Variants in CCDC85A observed in about 807,000 individuals in gnomAD.
CCDC85A encodes the protein coiled-coil domain containing 85A.
A neutral mutation model predicts 50.2 loss-of-function variants in CCDC85A; 38 were observed. The observed-to-expected ratio is 0.76, with a 90% confidence interval of 0.58 to 0.99. The LOEUF (loss-of-function observed/expected upper bound fraction) is 0.99, where lower values mean the gene tolerates loss of function less well. CCDC85A is among the 50% of genes least tolerant of loss of function. The probability of loss-of-function intolerance (pLI) is 0.00; values close to 1 mark genes in which losing one functional copy is unlikely to be tolerated. For missense variants in CCDC85A, 820 were observed against 742.0 expected (o/e 1.11, Z -1.22); for synonymous variants, 366 against 301.4 (o/e 1.21, Z -2.22).
chr2:56,362,274 A>G (rs13411959), intron 3 of CCDC85A, among the ~76,000 whole-genome samples: 20,406 of 152,086 alleles, frequency 0.13, 1,438 homozygotes, highest in African/African-American at 0.18. Flanking sequence ...GGAACAGGTT[A>G]GGAGGTGCAG....
chr2:56,372,821 T>C (rs1386727223), intron 4 of CCDC85A, among the ~76,000 whole-genome samples: 3 of 152,300 alleles, frequency 2.0e-5, no homozygotes, highest in South Asian at 2.1e-4. Flanking sequence ...CCCTTTAAAA[T>C]TGTCTACTGA....
chr2:56,184,665 C>G lies in CCDC85A; in HGVS notation c.41C>G (p.Ala14Gly). 1 of 1,457,702 alleles carries G rather than the reference C, an allele frequency of 6.9e-7. No individual in the cohort carries two copies. The highest frequency in any genetic ancestry group is 2.8e-5 in the East Asian group (1 of 35,172). 90.3% of individuals were successfully genotyped at this position (1,457,702 alleles called of 1,614,324 possible). The change falls in exon 1 of 6, where the codon GCG (alanine) becomes GGG (glycine). Residue 14 changes from alanine (A) to glycine (G), a missense_variant. Coordinates refer to ENST00000407595, the MANE Select transcript of CCDC85A (RefSeq NM_001080433.2). ...AAGGAAAAAAAAESCSPAPAG... is the reference protein window; with the variant it reads ...AAGGAAAAAAGAESCSPAPAG... ...GGAGGCGCGGCGGCGGCTGCGGCGG[C>G]GGCGGAAAGTTGTTCCCCAGCCCCG... is the stretch of plus-strand genomic sequence containing the variant.
chr2:56,330,187 AT>A (rs1291880260), intron 2 of CCDC85A, among the ~76,000 whole-genome samples: 1 of 151,894 alleles, frequency 6.6e-6, no homozygotes, highest in African/African-American at 2.4e-5. Flanking sequence ...TTAACCCTGA[AT>A]AGCTGTTATA....
chr2:56,353,417 C>G (rs1489298294), intron 3 of CCDC85A, among the ~76,000 whole-genome samples: 1 of 152,216 alleles, frequency 6.6e-6, no homozygotes, highest in Non-Finnish European at 1.5e-5. Context: ...GTGGATTTCT[C>G]TCTGGTTAGA....
upstream of CCDC85A, chr2:56,183,931 G>T: frequency 1.0e-6 from 1 of 985,386 alleles, no homozygotes; most frequent in Non-Finnish European, 1.2e-6. Flanking sequence ...GAGCTGCTGC[G>T]GGTTACGGGT....
intron 2 of CCDC85A, among the ~76,000 whole-genome samples, chr2:56,249,469 A>G (rs1558605263): frequency 6.6e-6 from 1 of 152,196 alleles, no homozygotes; most frequent in African/African-American, 2.4e-5. Flanking sequence ...CATGAAAACA[A>G]TCCCATACAG....
chr2:56,321,781 G>C (rs1573251938), intron 2 of CCDC85A, among the ~76,000 whole-genome samples: 2 of 152,070 alleles, frequency 1.3e-5, no homozygotes, highest in Non-Finnish European at 2.9e-5. Flanking sequence ...TCACAGAATA[G>C]GATAAAACTA....
intron 2 of CCDC85A, among the ~76,000 whole-genome samples, chr2:56,295,954 T>G (rs1227931138): frequency 6.6e-6 from 1 of 152,204 alleles, no homozygotes; most frequent in African/African-American, 2.4e-5. Flanking sequence ...TACGACTTTC[T>G]AATTAAGTCT....
At chr2:56,370,234 A>G (rs1034322805) in intron 3 of CCDC85A, among the ~76,000 whole-genome samples, 4 of 152,162 alleles carry the variant, frequency 2.6e-5, no homozygotes, top group Admixed American at 1.3e-4. Flanking sequence ...CGACTGAATT[A>G]CTGAAGGCTT....
chr2:56,286,011 C>A (rs1026699180), intron 2 of CCDC85A, among the ~76,000 whole-genome samples: 3 of 151,938 alleles, frequency 2.0e-5, no homozygotes, highest in Non-Finnish European at 1.5e-5. Context: ...CAGTCCCCCC[C>A]ACCCCGACCC....
chr2:56,337,621 C>G (rs1674139158), intron 2 of CCDC85A, among the ~76,000 whole-genome samples: 1 of 152,174 alleles, frequency 6.6e-6, no homozygotes, highest in African/African-American at 2.4e-5. Flanking sequence ...TCTATTGATG[C>G]ATTTTAAGCT....
chr2:56,236,822 C>A (rs1669036366), intron 2 of CCDC85A, among the ~76,000 whole-genome samples: 2 of 152,028 alleles, frequency 1.3e-5, no homozygotes, highest in African/African-American at 4.8e-5. Context: ...TCTCTTATGT[C>A]CCCATTATCC....
chr2:56,346,340 C>T (rs565341285), intron 3 of CCDC85A, among the ~76,000 whole-genome samples: 19 of 152,202 alleles, frequency 1.2e-4, no homozygotes, highest in Non-Finnish European at 1.6e-4. Flanking sequence ...TTTGTGGGCT[C>T]AGGGGTAAAT....
chr2:56,348,985 G>A (rs1306639805), intron 3 of CCDC85A, among the ~76,000 whole-genome samples: 1 of 152,144 alleles, frequency 6.6e-6, no homozygotes, highest in Non-Finnish European at 1.5e-5. Flanking sequence ...TACAAAAACT[G>A]TCACAGAGTA....
rs1664068279 is a variant in CCDC85A, at chr2:56,184,116, CG to C, written c.-505del. 3 of 975,620 alleles carry C rather than the reference CG, an allele frequency of 3.1e-6. No homozygotes were observed. The highest frequency in any genetic ancestry group is 3.7e-6 in the Non-Finnish European group (3 of 820,980). 60.4% of individuals were successfully genotyped at this position (975,620 alleles called of 1,614,324 possible). On this transcript the variant is annotated 5_prime_UTR_variant, in exon 1 of 6. Coordinates refer to ENST00000407595, the MANE Select transcript of CCDC85A (RefSeq NM_001080433.2). ...GCCGCGGCGGCGTCGCTAGAGCAGC[CG>C]GGGAGGCGCCGCGGTGCCCGGCGCG...
intron 2 of CCDC85A, among the ~76,000 whole-genome samples, chr2:56,273,563 T>C (rs767159797): frequency 1.7e-4 from 26 of 152,160 alleles, no homozygotes; most frequent in Non-Finnish European, 3.2e-4. Flanking sequence ...AGATTAATTA[T>C]ATTTTCAGAA....
At position 56,384,541 on chromosome 2, in the gene CCDC85A, T is replaced by A. The variant is rs1676741711; in HGVS notation, c.*186T>A. The stretch of plus-strand genomic sequence containing the variant: ...TCCCCTCAAGCTGATATTCTGTGTC[T>A]CTCACCTCAATGTCCACAACAGTCA... On this transcript the variant is annotated 3_prime_UTR_variant, in exon 6 of 6. Coordinates refer to ENST00000407595, the MANE Select transcript of CCDC85A (RefSeq NM_001080433.2). 1 of 550,696 alleles carries A rather than the reference T, an allele frequency of 1.8e-6. No homozygotes were observed. The highest frequency in any genetic ancestry group is 2.4e-5 in the South Asian group (1 of 41,696). 34.1% of individuals were successfully genotyped at this position (550,696 alleles called of 1,614,324 possible).
At chr2:56,331,569 T>C (rs902699284) in intron 2 of CCDC85A, among the ~76,000 whole-genome samples, 2 of 152,146 alleles carry the variant, frequency 1.3e-5, no homozygotes, top group Non-Finnish European at 2.9e-5. Flanking sequence ...TTTGGGAAGA[T>C]TGGGGGGTTG....
At chr2:56,296,271 CGTCACTAATG>C (rs1412666979) in intron 2 of CCDC85A, among the ~76,000 whole-genome samples, 3 of 152,110 alleles carry the variant, frequency 2.0e-5, no homozygotes, top group African/African-American at 7.2e-5. Flanking sequence ...TATCCCAAAG[CGTCACTAATG>C]GTTCAGAAGG....
Sources: gnomAD v4.1 joint callset for allele counts (sites outside exome capture counted in the v4.1 genomes callset) on GRCh38, gnomAD v4.1.1 for gene constraint, MANE v1.5 for transcripts, NCBI Gene and HGNC (gene_info 2026-07-23, HGNC 2026-07-21) for gene names.